EPHA10: variants seen among roughly 807,000 people sequenced by gnomAD.
EPHA10 encodes the protein ephrin type-A receptor 10.
Under a neutral mutation model 109.7 loss-of-function variants are expected in EPHA10, and 120 were observed. That is an observed-to-expected ratio of 1.09 (90% CI 0.94 to 1.27). EPHA10 has a LOEUF of 1.27. Ranked by LOEUF, EPHA10 falls within the 50% of genes most tolerant of loss-of-function variation. The probability of loss-of-function intolerance (pLI) is 0.00; values close to 1 mark genes in which losing one functional copy is unlikely to be tolerated. For synonymous variants in EPHA10, 640 were observed against 618.9 expected, an observed-to-expected ratio of 1.03 and a Z score of -0.51; for missense variants, 1,396 against 1,411.1, an observed-to-expected ratio of 0.99 and a Z score of 0.17.
chr1:37,739,655 C>T (rs1646122886), intron 5 of EPHA10, among the ~76,000 whole-genome samples: 1 of 147,322 alleles, frequency 6.8e-6, no homozygotes, highest in South Asian at 2.1e-4. Context: ...CACCAGTGCC[C>T]TCTAGCCTGG....
intron 5 of EPHA10, among the ~76,000 whole-genome samples, chr1:37,747,058 T>C (rs1489298307): frequency 6.6e-6 from 1 of 152,178 alleles, no homozygotes; most frequent in Admixed American, 6.5e-5. Context: ...TGCGGATATA[T>C]GAAAAATCAC....
At chr1:37,719,165 T>C (rs1313225519) in intron 15 of EPHA10, 1 of 597,628 alleles carries the variant, frequency 1.7e-6, no homozygotes, top group African/African-American at 1.9e-5. Flanking sequence ...TATTACCACA[T>C]CTATTTCTCC....
chr1:37,754,240 G>C lies in EPHA10; in HGVS notation c.981C>G (p.Thr327=). 2 of 1,314,552 alleles carry C rather than the reference G, an allele frequency of 1.5e-6. No individual in the cohort carries two copies. The highest frequency in any genetic ancestry group is 1.9e-6 in the Non-Finnish European group (2 of 1,025,758). The allele number at this position is 1,314,552 out of a possible 1,614,324, so 81.4% of individuals were successfully genotyped here. Residue 327 remains threonine, a synonymous_variant, in exon 4 of 17, where the codon ACC becomes ACG. Transcript: ENST00000373048. The surrounding 1 kb of genome is among the most constrained non-coding windows in gnomAD (Gnocchi z 4.5). ...GGGTGCAGGAAGCCGAGGGCGGGTCGGTGGGTGAGCGCGCATAGCTGTCCT... is the reference window on the plus strand; with the variant it reads ...GGGTGCAGGAAGCCGAGGGCGGGTCCGTGGGTGAGCGCGCATAGCTGTCCT... ...VCQDSYARSP[T]DPPSASCTRP...
rs199558258 is a variant in EPHA10, at chr1:37,719,566, G to T, written c.2604C>A (p.Pro868=). ...GGTGCAGAAGGTTAGGACAGTTCCT[G>T]GGGGGTGGCAGCCGGAAGCCATCCT... ...AVEDGFRLPP[P]RNCPNLLHRL... Residue 868 remains proline (P), a synonymous_variant, in exon 15 of 17, where the codon CCC becomes CCA. Transcript: ENST00000373048. 1.2e-6 allele frequency: 2 copies of T among 1,613,838 alleles called. No individual in the cohort carries two copies. Among genetic ancestry groups the T allele is most frequent in the Non-Finnish European group, 1.7e-6 (2 of 1,179,988 alleles).
chr1:37,755,950 G>A (rs1294631378), intron 3 of EPHA10, among the ~76,000 whole-genome samples: 3 of 151,674 alleles, frequency 2.0e-5, no homozygotes, highest in Admixed American at 1.3e-4. Flanking sequence ...CTAGCCCTCA[G>A]GAGGAACTTT....
Position 37,717,453 on chromosome 1 carries a change from TC to T in EPHA10, c.*918del. On this transcript the variant is annotated 3_prime_UTR_variant, in exon 17 of 17. Coordinates refer to ENST00000373048, the MANE Select transcript of EPHA10 (RefSeq NM_001099439.2). ...CCTGACTCCTCACTTGGCCTCAGTT[TC>T]CCCCATCTGTACACTGGGGGTTAGA... 1 of 232,048 alleles carries T rather than the reference TC, an allele frequency of 4.3e-6. No individual in the cohort carries two copies. The highest frequency in any genetic ancestry group is 8.5e-6 in the Non-Finnish European group (1 of 117,366). 14.4% of individuals were successfully genotyped at this position (232,048 alleles called of 1,614,324 possible).
chr1:37,755,231 G>A (rs138041455), intron 3 of EPHA10, among the ~76,000 whole-genome samples: 3 of 152,282 alleles, frequency 2.0e-5, no homozygotes, highest in Non-Finnish European at 4.4e-5. Flanking sequence ...AAGAAAATAA[G>A]TCAAACTCTG....
At position 37,720,492 on chromosome 1, in the gene EPHA10, G is replaced by A; in HGVS notation, c.2271C>T (p.Ala757=). The A allele has an allele frequency of 6.2e-7, 1 of 1,613,382 alleles. No homozygotes were observed. The highest frequency in any genetic ancestry group is 8.5e-7 in the Non-Finnish European group (1 of 1,179,970). Residue 757 remains alanine (A), a synonymous_variant, in exon 13 of 17, where the codon GCC becomes GCT. Transcript: ENST00000373048. ...LMGLLPGLAS[A]MKYLSEMGYV... Reference sequence around the variant, plus strand: ...AGCCCATCTCTGACAGATACTTCATGGCTGATGCCAGCCCAGGCAGCAACC... The same window carrying A: ...AGCCCATCTCTGACAGATACTTCATAGCTGATGCCAGCCCAGGCAGCAACC...
At chr1:37,731,711 A>G in intron 6 of EPHA10, 129 bp from the exon 7 acceptor site, 4 of 964,002 alleles carry the variant, frequency 4.1e-6, no homozygotes, top group East Asian at 5.7e-5. Flanking sequence ...CGAAAACCCA[A>G]CCTCAATCAT....
intron 5 of EPHA10, among the ~76,000 whole-genome samples, chr1:37,741,518 G>A (rs1424163741): frequency 2.0e-5 from 3 of 152,084 alleles, no homozygotes; most frequent in Non-Finnish European, 4.4e-5. Context: ...AAAACATAAA[G>A]ACACAGTAAG....
intron 14 of EPHA10, 143 bp downstream of exon 14, chr1:37,719,766 G>A (rs1645757538): frequency 5.5e-6 from 8 of 1,464,522 alleles, no homozygotes; most frequent in Non-Finnish European, 7.5e-6. Context: ...GCCTGGGGCA[G>A]TGGCCAGGCA....
In EPHA10 at chr1:37,718,406, A is replaced by G. The variant is rs1645726734; in HGVS notation, c.2993T>C (p.Val998Ala). 1 of 1,612,604 alleles carries G rather than the reference A, an allele frequency of 6.2e-7. No individual in the cohort carries two copies. Among genetic ancestry groups the G allele is most frequent in the African/African-American group, 1.3e-5 (1 of 74,888 alleles). ...CACCCCCTGGCCCTGCAGCTGGAGC[A>G]CTCGTGCCTGCAGGGCGCTGATCCC... ...LSGISALQAR[V>A]LQLQGQGVQV Residue 998 changes from valine (V) to alanine (A), a missense_variant, in exon 17 of 17, where the codon GTG becomes GCG. Physicochemically the swap from Val to Ala is moderately conservative, Grantham distance 64. Transcript: ENST00000373048.
chr1:37,734,701 T>A, intron 6 of EPHA10: 2 of 451,280 alleles, frequency 4.4e-6, no homozygotes, highest in Non-Finnish European at 8.9e-6. Flanking sequence ...TGGGGATCAA[T>A]TGGCCATATG....
intron 8 of EPHA10, among the ~76,000 whole-genome samples, chr1:37,726,019 C>T (rs1645886062): frequency 6.6e-6 from 1 of 152,210 alleles, no homozygotes; most frequent in African/African-American, 2.4e-5. Context: ...GATTTGGAAT[C>T]CCGCGCTGGC....
chr1:37,729,027 A>C (rs1645939109), intron 7 of EPHA10, among the ~76,000 whole-genome samples: 2 of 152,202 alleles, frequency 1.3e-5, no homozygotes, highest in African/African-American at 4.8e-5. Context: ...TTGGGATGTC[A>C]TTCCCAAGAT....
In EPHA10 at chr1:37,735,443, T is replaced by TG. The variant is rs1407796067; in HGVS notation, c.1358-54dup. ...ACCTTGACCCACCTCACGGCAGGGCTGGGGGTGCGGGGAAGAGGGTGCGGC... is the reference window on the plus strand; with the variant it reads ...ACCTTGACCCACCTCACGGCAGGGCTGGGGGGTGCGGGGAAGAGGGTGCGGC... On this transcript the variant is annotated intron_variant, in intron 5 of 16. Coordinates refer to ENST00000373048, the MANE Select transcript of EPHA10 (RefSeq NM_001099439.2). 8 of 1,540,890 alleles carry TG rather than the reference T, an allele frequency of 5.2e-6. No homozygotes were observed. In the East Asian group the frequency reaches 9.5e-5, roughly 18 times the overall value.
chr1:37,727,264 G>T, intron 7 of EPHA10, 54 bp from the exon 8 acceptor site: 13 of 1,451,946 alleles, frequency 9.0e-6, no homozygotes, highest in East Asian at 2.4e-5. Flanking sequence ...TCCTAGGCAA[G>T]CCCCAGGGCA....
chr1:37,761,050 C>T (rs1646424775), intron 3 of EPHA10: 2 of 793,206 alleles, frequency 2.5e-6, no homozygotes, highest in Non-Finnish European at 3.2e-6. Context: ...AGCCAGTGCA[C>T]TCCAGCCTGG....
chr1:37,732,555 G>C (rs1224999383), intron 6 of EPHA10, among the ~76,000 whole-genome samples: 1 of 152,126 alleles, frequency 6.6e-6, no homozygotes, highest in African/African-American at 2.4e-5. Context: ...TCTCTTCCAG[G>C]CATCTCAACA....
Sources: gnomAD v4.1 joint callset for allele counts (sites outside exome capture counted in the v4.1 genomes callset) on GRCh38, gnomAD v4.1.1 for gene constraint, Gnocchi (gnomAD v3.1) non-coding constraint, MANE v1.5 for transcripts, NCBI Gene and HGNC (gene_info 2026-07-23, HGNC 2026-07-21) for gene names.